Variants in ANGPT1 observed in about 807,000 individuals in gnomAD.
ANGPT1 encodes angiopoietin-1.
Under a neutral mutation model 62.2 loss-of-function variants are expected in ANGPT1, and 17 were observed. That is an observed-to-expected ratio of 0.27 (90% CI 0.19 to 0.41). The LOEUF (loss-of-function observed/expected upper bound fraction) is 0.41. Ranked by LOEUF, ANGPT1 falls within the 10% of genes least tolerant of loss-of-function variation. The pLI is 1.00. For synonymous variants in ANGPT1, 199 were observed against 198.9 expected (o/e 1.00, Z 0.00); for missense variants, 478 against 594.9 (o/e 0.80, Z 2.04).
intron 4 of ANGPT1, among the ~76,000 whole-genome samples, chr8:107,307,596 C>T (rs1773420969): frequency 6.6e-6 from 1 of 151,908 alleles, no homozygotes; most frequent in Non-Finnish European, 1.5e-5. Context: ...TTGTTGACCT[C>T]TCCTAGTCCC....
intron 7 of ANGPT1, among the ~76,000 whole-genome samples, chr8:107,276,207 C>A (rs141784466): frequency 5.3e-5 from 8 of 152,160 alleles, no homozygotes; most frequent in African/African-American, 1.9e-4. Flanking sequence ...ACAAAAATCA[C>A]AGTCTAAATA....
At chr8:107,381,785 T>C (rs560848750) in intron 1 of ANGPT1, among the ~76,000 whole-genome samples, 2 of 152,308 alleles carry the variant, frequency 1.3e-5, no homozygotes, top group Admixed American at 1.3e-4. Flanking sequence ...GAATTGGAGA[T>C]GGAAACATAG....
intron 1 of ANGPT1, among the ~76,000 whole-genome samples, chr8:107,392,036 G>A (rs1264081245): frequency 6.6e-6 from 1 of 152,134 alleles, no homozygotes; most frequent in Non-Finnish European, 1.5e-5. Context: ...ATCATTCAAA[G>A]TTGTATTTTT....
chr8:107,376,731 C>A (rs1816538560), intron 1 of ANGPT1, among the ~76,000 whole-genome samples: 1 of 152,134 alleles, frequency 6.6e-6, no homozygotes, highest in Non-Finnish European at 1.5e-5. Flanking sequence ...ATAAGAAAAT[C>A]TGAGGATATA....
intron 1 of ANGPT1, among the ~76,000 whole-genome samples, chr8:107,372,680 T>C (rs1250866412): frequency 6.6e-6 from 1 of 151,892 alleles, no homozygotes; most frequent in African/African-American, 2.4e-5. Context: ...CTCACAGAAA[T>C]GCAGTGACAC....
intron 3 of ANGPT1, among the ~76,000 whole-genome samples, chr8:107,330,842 T>C (rs755980977): frequency 3.3e-5 from 5 of 152,100 alleles, no homozygotes; most frequent in Non-Finnish European, 4.4e-5. Flanking sequence ...TTGATCAGAA[T>C]TGTATTTCAT....
intron 1 of ANGPT1, among the ~76,000 whole-genome samples, chr8:107,458,544 A>G (rs1811983464): frequency 6.6e-6 from 1 of 152,194 alleles, no homozygotes; most frequent in Non-Finnish European, 1.5e-5. Context: ...TTTAGTAACT[A>G]TGTCTAGTAG....
intron 1 of ANGPT1, among the ~76,000 whole-genome samples, chr8:107,385,646 G>A (rs1384864197): frequency 6.6e-6 from 1 of 151,710 alleles, no homozygotes; most frequent in East Asian, 1.9e-4. Context: ...TGATTGCTCT[G>A]GCTAGGACTT....
intron 1 of ANGPT1, among the ~76,000 whole-genome samples, chr8:107,479,439 G>A (rs1281389495): frequency 1.3e-5 from 2 of 152,120 alleles, no homozygotes; most frequent in South Asian, 2.1e-4. Context: ...TTTAAAGAAT[G>A]TTCCTATACC....
chr8:107,306,142 A>G (rs901650960), intron 4 of ANGPT1, among the ~76,000 whole-genome samples: 1 of 152,102 alleles, frequency 6.6e-6, no homozygotes. Context: ...CAGCAATATT[A>G]TCCTGTTACT....
chr8:107,483,390 A>G (rs766776930), intron 1 of ANGPT1, among the ~76,000 whole-genome samples: 10 of 152,060 alleles, frequency 6.6e-5, no homozygotes, highest in Non-Finnish European at 1.3e-4. Context: ...TTCCACTGCT[A>G]TTGTCAGCTT....
chr8:107,403,710 G>A (rs889223335), intron 1 of ANGPT1, among the ~76,000 whole-genome samples: 1 of 152,062 alleles, frequency 6.6e-6, no homozygotes, highest in Admixed American at 6.6e-5. Flanking sequence ...AGCATAAGAT[G>A]CTTGTACTAT....
At chr8:107,272,836 T>A (rs987721751) in intron 7 of ANGPT1, among the ~76,000 whole-genome samples, 1 of 151,318 alleles carries the variant, frequency 6.6e-6, no homozygotes, top group Non-Finnish European at 1.5e-5. Flanking sequence ...TGTTTTTAGT[T>A]CAAAATAAGA....
At chr8:107,318,648 T>A (rs539180295) in intron 4 of ANGPT1, among the ~76,000 whole-genome samples, 1 of 152,338 alleles carries the variant, frequency 6.6e-6, no homozygotes, top group South Asian at 2.1e-4. Context: ...TTCATTTACT[T>A]GTTTATGTAT....
At chr8:107,381,104 T>C (rs116482430) in intron 1 of ANGPT1, among the ~76,000 whole-genome samples, 375 of 152,326 alleles carry the variant, frequency 2.5e-3, no homozygotes, top group African/African-American at 8.6e-3. Flanking sequence ...CAGCTCTTTG[T>C]TTTATGTTGC....
chr8:107,481,532 CAAAAAAAAAAAA>C (rs71562147), intron 1 of ANGPT1, among the ~76,000 whole-genome samples: 2 of 64,330 alleles, frequency 3.1e-5, no homozygotes, highest in Non-Finnish European at 5.7e-5. Flanking sequence ...GACTCTGTCT[CAAAAAAAAAAAA>C]AAAAAAAAAA....
At chr8:107,406,085 A>T (rs1239635919) in intron 1 of ANGPT1, among the ~76,000 whole-genome samples, 4 of 151,372 alleles carry the variant, frequency 2.6e-5, no homozygotes, top group Non-Finnish European at 5.9e-5. Flanking sequence ...CTTTTTCATT[A>T]ATAATTAAAA....
chr8:107,482,411 C>T (rs1812710315), intron 1 of ANGPT1, among the ~76,000 whole-genome samples: 1 of 152,176 alleles, frequency 6.6e-6, no homozygotes, highest in Non-Finnish European at 1.5e-5. Context: ...GTTGAGGTGA[C>T]TCAAATATGG....
rs1312692399 is a variant in ANGPT1 at position 107,497,442 on chromosome 8, C to T, written c.117G>A (p.Gly39=). Residue 39 remains glycine (G), a synonymous_variant, in exon 1 of 9, where the codon GGG becomes GGA. Coordinates refer to ENST00000517746, the MANE Select transcript of ANGPT1 (RefSeq NM_001146.5). ...SGRRYNRIQH[G]QCAYTFILPE... ...GAAGAATGAAAGTGTAGGCACATTG[C>T]CCATGTTGAATCCGGTTATATCTTC... 6 of 1,614,104 alleles carry T rather than the reference C, an allele frequency of 3.7e-6. No individual in the cohort carries two copies. Among genetic ancestry groups the T allele is most frequent in the Admixed American group, 1.7e-5 (1 of 60,016 alleles).
Sources: gnomAD v4.1 joint callset for allele counts (sites outside exome capture counted in the v4.1 genomes callset) on GRCh38, gnomAD v4.1.1 for gene constraint, MANE v1.5 for transcripts, NCBI Gene and HGNC (gene_info 2026-07-23, HGNC 2026-07-21) for gene names.